LSAMP: variants seen among roughly 807,000 people sequenced by gnomAD.
The protein encoded by LSAMP is limbic system-associated membrane protein.
In LSAMP, 7 loss-of-function variants were observed where a neutral mutation model predicts 38.6. That is an observed-to-expected ratio of 0.18 (90% CI 0.10 to 0.34). The LOEUF (loss-of-function observed/expected upper bound fraction) is 0.34, where lower values mean the gene tolerates loss of function less well. Among genes scored for constraint, LSAMP ranks in the 10% least tolerant of loss-of-function variants. LSAMP has a pLI of 1.00. For missense variants in LSAMP, 313 were observed against 420.0 expected (o/e 0.75, Z 2.23); for synonymous variants, 154 against 166.8 (o/e 0.92, Z 0.59).
intron 3 of LSAMP, among the ~76,000 whole-genome samples, chr3:115,989,774 A>T (rs1191757733): frequency 1.3e-5 from 2 of 152,082 alleles, no homozygotes; most frequent in African/African-American, 4.8e-5. Context: ...GACTGGGTAG[A>T]AATAGCTTAT....
intron 1 of LSAMP, among the ~76,000 whole-genome samples, chr3:116,104,759 C>T (rs1006661071): frequency 3.5e-4 from 54 of 152,184 alleles, no homozygotes; most frequent in African/African-American, 1.1e-3. Flanking sequence ...CTTCATAATA[C>T]TAAGTCTGCT....
At position 116,249,148 on chromosome 3, in the gene LSAMP, C is replaced by CAAA. The variant is rs56255627; in HGVS notation, c.156-162595_156-162593dup. ...TGGGTGACAGAGCGAGACTCTGTCTCAAAAAAAAAAAAAAGGACTAAACTT... is the reference window on the plus strand; with the variant it reads ...TGGGTGACAGAGCGAGACTCTGTCTCAAAAAAAAAAAAAAAAAGGACTAAACTT... On this transcript the variant is annotated intron_variant, in intron 1 of 6. Transcript: ENST00000490035. Among the ~76,000 whole-genome samples, 670 of 126,098 alleles carry CAAA rather than the reference C, an allele frequency of 5.3e-3. 2 individuals carry two copies. Among genetic ancestry groups the CAAA allele is most frequent in the South Asian group, 8.0e-3 (30 of 3,772 alleles). The allele number at this position is 126,098 out of a possible 152,430, so 82.7% of individuals were successfully genotyped here.
chr3:116,140,946 A>G (rs1307138700), intron 1 of LSAMP, among the ~76,000 whole-genome samples: 1 of 151,898 alleles, frequency 6.6e-6, no homozygotes, highest in Non-Finnish European at 1.5e-5. Context: ...TCTGTAGGCT[A>G]CGGTTTGACT....
chr3:116,414,544 A>G (rs1187444539), intron 1 of LSAMP, among the ~76,000 whole-genome samples: 2 of 152,084 alleles, frequency 1.3e-5, no homozygotes, highest in Non-Finnish European at 2.9e-5. Flanking sequence ...CAATCGTCCA[A>G]CGTTTGGTTC....
chr3:116,398,723 A>G (rs1470529433), intron 1 of LSAMP, among the ~76,000 whole-genome samples: 2 of 152,232 alleles, frequency 1.3e-5, no homozygotes, highest in Non-Finnish European at 2.9e-5. Context: ...ATACATTGTC[A>G]GTATAATTGG....
chr3:116,353,637 A>G (rs116565996), intron 1 of LSAMP, among the ~76,000 whole-genome samples: 9,196 of 152,126 alleles, frequency 0.06, 377 homozygotes, highest in African/African-American at 0.12. Context: ...ACCTCTTTCC[A>G]GAACTATCTA....
At chr3:116,424,340 G>C (rs2049167087) in intron 1 of LSAMP, among the ~76,000 whole-genome samples, 1 of 152,204 alleles carries the variant, frequency 6.6e-6, no homozygotes, top group Admixed American at 6.5e-5. Flanking sequence ...CTGAGCAAGA[G>C]AGAGCAGTTT....
At chr3:116,119,661 CTT>C (rs3071059) in intron 1 of LSAMP, among the ~76,000 whole-genome samples, 3,156 of 140,544 alleles carry the variant, frequency 0.022, 107 homozygotes, top group African/African-American at 0.079. Flanking sequence ...TTTTTCTTTT[CTT>C]TTTTTTTTTT....
intron 1 of LSAMP, among the ~76,000 whole-genome samples, chr3:116,262,205 C>T (rs1230073470): frequency 1.3e-5 from 2 of 152,168 alleles, no homozygotes; most frequent in Non-Finnish European, 2.9e-5. Flanking sequence ...AGCCTCTCCT[C>T]CATTCCCTAT....
chr3:116,421,698 A>G (rs981542838), intron 1 of LSAMP, among the ~76,000 whole-genome samples: 1 of 152,206 alleles, frequency 6.6e-6, no homozygotes, highest in Non-Finnish European at 1.5e-5. Context: ...AACATTAGGT[A>G]TTAGGTAAGT....
chr3:116,376,504 A>G (rs1360863604), intron 1 of LSAMP, among the ~76,000 whole-genome samples: 2 of 152,060 alleles, frequency 1.3e-5, no homozygotes, highest in East Asian at 3.9e-4. Context: ...CACTTCAAGA[A>G]AGCCACAGTT....
chr3:116,164,045 T>C (rs1226387551), intron 1 of LSAMP, among the ~76,000 whole-genome samples: 3 of 152,142 alleles, frequency 2.0e-5, no homozygotes, highest in Non-Finnish European at 4.4e-5. Context: ...GACTTTCGTT[T>C]TGTATTTTAA....
intron 1 of LSAMP, 69 bp downstream of exon 1, chr3:116,444,808 A>G (rs2049484594): frequency 2.3e-6 from 3 of 1,283,312 alleles, no homozygotes; most frequent in Non-Finnish European, 3.3e-6. Context: ...ACACACACAC[A>G]CAAACACACA....
chr3:116,062,127 C>T (rs1452593865), intron 2 of LSAMP, among the ~76,000 whole-genome samples: 2 of 152,134 alleles, frequency 1.3e-5, no homozygotes, highest in African/African-American at 4.8e-5. Context: ...ACTAATAAGC[C>T]AATGAAATGG....
chr3:116,182,345 C>T (rs537749106), intron 1 of LSAMP, among the ~76,000 whole-genome samples: 2 of 151,258 alleles, frequency 1.3e-5, no homozygotes, highest in East Asian at 3.9e-4. Flanking sequence ...TTTATAAAAA[C>T]ATTGGATTTT....
intron 3 of LSAMP, among the ~76,000 whole-genome samples, chr3:115,875,783 T>G (rs1576174682): frequency 6.6e-6 from 1 of 152,022 alleles, no homozygotes; most frequent in East Asian, 1.9e-4. Context: ...ATAGTTCCCA[T>G]CTACATGAAC....
intron 1 of LSAMP, among the ~76,000 whole-genome samples, chr3:116,333,991 C>A (rs765582606): frequency 9.9e-5 from 15 of 151,630 alleles, no homozygotes; most frequent in Non-Finnish European, 1.8e-4. Context: ...AATGACAAAT[C>A]TTTACCTATA....
intron 1 of LSAMP, among the ~76,000 whole-genome samples, chr3:116,133,780 C>T (rs964287306): frequency 2.0e-5 from 3 of 152,102 alleles, no homozygotes; most frequent in Non-Finnish European, 2.9e-5. Flanking sequence ...TTTGAATGAA[C>T]TAAATGATAT....
intron 1 of LSAMP, among the ~76,000 whole-genome samples, chr3:116,324,475 A>G (rs1320454195): frequency 6.6e-6 from 1 of 152,210 alleles, no homozygotes; most frequent in Non-Finnish European, 1.5e-5. Context: ...TAGCAAGGAC[A>G]CAGAAAGACA....
Sources: gnomAD v4.1 joint callset for allele counts (sites outside exome capture counted in the v4.1 genomes callset) on GRCh38, gnomAD v4.1.1 for gene constraint, MANE v1.5 for transcripts, NCBI Gene and HGNC (gene_info 2026-07-23, HGNC 2026-07-21) for gene names.